RNASET2: variants seen among roughly 807,000 people sequenced by gnomAD.
The protein encoded by RNASET2 is ribonuclease 6.
In RNASET2, 28 loss-of-function variants were observed where a neutral mutation model predicts 33.9. The ratio of observed to expected loss-of-function variants is 0.83; its 90% confidence interval spans 0.61 to 1.13. The LOEUF is 1.13. Ranked by LOEUF, RNASET2 falls within the 50% of genes most tolerant of loss-of-function variation. The probability of loss-of-function intolerance (pLI) is 0.00; values close to 1 mark genes in which losing one functional copy is unlikely to be tolerated. For missense variants in RNASET2, 330 were observed against 319.9 expected (o/e 1.03, Z -0.24); for synonymous variants, 123 against 121.0 (o/e 1.02, Z -0.11).
intron 6 of RNASET2, among the ~76,000 whole-genome samples, chr6:166,936,260 C>T (rs112703486): frequency 5.3e-5 from 8 of 152,092 alleles, no homozygotes; most frequent in Non-Finnish European, 1.0e-4. Flanking sequence ...GAATGGAGGA[C>T]GCACCATTCC....
In RNASET2 at chr6:166,929,454, C is replaced by T. The variant is rs1778365575; in HGVS notation, c.*134G>A. 1.1e-6 allele frequency: 1 copy of T among 945,162 alleles called. No homozygotes were observed. The highest frequency in any genetic ancestry group is 1.7e-6 in the Non-Finnish European group (1 of 589,504). 58.5% of individuals were successfully genotyped at this position (945,162 alleles called of 1,614,324 possible). ...CCACATGCACTCACTCTACAGGGAC[C>T]ACAACATCCAATTCACAGGCATGGA... On this transcript the variant is annotated 3_prime_UTR_variant, in exon 9 of 9. Transcript: ENST00000508775.
At chr6:166,952,067 C>G (rs956775890) in intron 2 of RNASET2, among the ~76,000 whole-genome samples, 3 of 152,202 alleles carry the variant, frequency 2.0e-5, no homozygotes, top group Non-Finnish European at 4.4e-5. Flanking sequence ...CAGAGAGACA[C>G]AAAGTGGAGA....
chr6:166,937,603 G>A (rs1002785344), intron 6 of RNASET2, among the ~76,000 whole-genome samples: 9 of 152,162 alleles, frequency 5.9e-5, no homozygotes, highest in Admixed American at 2.6e-4. Flanking sequence ...AAAGTGTATA[G>A]GTCTGTGTAC....
At chr6:166,944,219 G>C (rs2128645926) in intron 4 of RNASET2, among the ~76,000 whole-genome samples, 1 of 152,000 alleles carries the variant, frequency 6.6e-6, no homozygotes, top group African/African-American at 2.4e-5. Context: ...GGCAGCCTGG[G>C]CACCAGTCGC....
Position 166,925,906 on chromosome 6 carries a change from G to A in RNASET2, c.*3682C>T, listed in dbSNP as rs1778297677. Among the ~76,000 whole-genome samples, 1 of 152,210 alleles carries A rather than the reference G, an allele frequency of 6.6e-6. No homozygotes were observed. The highest frequency in any genetic ancestry group is 1.5e-5 in the Non-Finnish European group (1 of 68,032). ...GAGTGGGTGGAGGCACTGCCAACAG[G>A]GCAGGAGGGATTGAGGGAATGTCCC... On this transcript the variant is annotated 3_prime_UTR_variant, in exon 9 of 9. Transcript: ENST00000508775.
chr6:166,946,912 G>C, intron 3 of RNASET2, 173 bp from the exon 4 acceptor site: 1 of 673,946 alleles, frequency 1.5e-6, no homozygotes, highest in Non-Finnish European at 2.7e-6. Context: ...GCAGGTAAGA[G>C]GAGTCAGAGT....
chr6:166,944,208 G>C (rs1583226659), intron 4 of RNASET2, among the ~76,000 whole-genome samples: 1 of 152,046 alleles, frequency 6.6e-6, no homozygotes, highest in Non-Finnish European at 1.5e-5. Flanking sequence ...TGTGTGAGCT[G>C]GGCAGCCTGG....
intron 3 of RNASET2, among the ~76,000 whole-genome samples, chr6:166,947,897 GAAT>G (rs1342350124): frequency 2.6e-5 from 4 of 152,104 alleles, no homozygotes; most frequent in Admixed American, 6.6e-5. Flanking sequence ...GACAAAACCA[GAAT>G]AATAAATTTG....
In RNASET2 at chr6:166,934,091, T is replaced by G; in HGVS notation, c.492A>C (p.Gln164His). 1 of 1,609,130 alleles carries G rather than the reference T, an allele frequency of 6.2e-7. No individual in the cohort carries two copies. Among genetic ancestry groups the G allele is most frequent in the East Asian group, 2.2e-5 (1 of 44,858 alleles). The stretch of plus-strand genomic sequence containing the variant: ...GAAAAGAAGCAAAAGCAAGACTTAC[T>G]TGGTAGTAATTGATGGATGGTTTTA... ...LGIKPSINYY[Q>H]VADFKDALAR... Residue 164 changes from glutamine (Q) to histidine (H), a missense_variant and splice_region_variant, in exon 7 of 9, where the codon CAA becomes CAC. Physicochemically the swap from Gln to His is conservative, Grantham distance 24. Transcript: ENST00000508775.
rs1562507187 is a variant in RNASET2 at position 166,955,295 on chromosome 6, GACGC to G, written c.86+798_86+801del. On this transcript the variant is annotated intron_variant, in intron 1 of 8. Coordinates refer to ENST00000508775, the MANE Select transcript of RNASET2 (RefSeq NM_003730.6). The stretch of plus-strand genomic sequence containing the variant: ...CGCGCACACACGACACACACGCACA[GACGC>G]GCACACACGACACACACGCACACAC... Among the ~76,000 whole-genome samples the G allele has an allele frequency of 8.7e-3, 455 of 52,404 alleles. 24 individuals carry two copies. The East Asian group carries it at 0.18, about 21-fold the overall frequency. The allele number at this position is 52,404 out of a possible 152,430, so 34.4% of individuals were successfully genotyped here. A position where few individuals can be genotyped will look rare whatever the true frequency, so the allele number is the denominator to read the frequency against.
At position 166,923,839 on chromosome 6, in the gene RNASET2, C is replaced by T. The variant is rs944624551; in HGVS notation, c.*5749G>A. 2.6e-5 allele frequency among the ~76,000 whole-genome samples: 4 copies of T among 152,168 alleles called. No individual in the cohort carries two copies. The highest frequency in any genetic ancestry group is 2.1e-4 in the South Asian group (1 of 4,824). ...GGTAATTTCATTTCAGGAGCTAGAGCTTGTGAGGAAAAGTAGTATTTTAAC... is the reference window on the plus strand; with the variant it reads ...GGTAATTTCATTTCAGGAGCTAGAGTTTGTGAGGAAAAGTAGTATTTTAAC... On this transcript the variant is annotated 3_prime_UTR_variant, in exon 9 of 9. Transcript: ENST00000508775.
At chr6:166,951,334 C>T (rs926822076) in intron 2 of RNASET2, among the ~76,000 whole-genome samples, 9 of 152,226 alleles carry the variant, frequency 5.9e-5, no homozygotes, top group Middle Eastern at 3.2e-3. Flanking sequence ...CACAGCATCA[C>T]GGGGAGATGG....
rs1778329394 is a variant in RNASET2, at chr6:166,927,729, A to AAAAAAAAAAAAAAAAAAAT, written c.*1858_*1859insATTTTTTTTTTTTTTTTTT. 6.6e-6 allele frequency among the ~76,000 whole-genome samples: 1 copy of AAAAAAAAAAAAAAAAAAAT among 151,592 alleles called. No homozygotes were observed. Among genetic ancestry groups the AAAAAAAAAAAAAAAAAAAT allele is most frequent in the African/African-American group, 2.4e-5 (1 of 41,274 alleles). On this transcript the variant is annotated 3_prime_UTR_variant, in exon 9 of 9. Coordinates refer to ENST00000508775, the MANE Select transcript of RNASET2 (RefSeq NM_003730.6). ...AAAATGACTCAAAAAAAAAAAAAAA[A>AAAAAAAAAAAAAAAAAAAT]AAAAAAAGAATTGACATCATTTAAA... is the stretch of plus-strand genomic sequence containing the variant.
intron 6 of RNASET2, among the ~76,000 whole-genome samples, chr6:166,935,589 CCT>C (rs1439156366): frequency 6.6e-6 from 1 of 152,190 alleles, no homozygotes; most frequent in Non-Finnish European, 1.5e-5. Flanking sequence ...CTATGGGAAC[CCT>C]GACAACTTTG....
intron 4 of RNASET2, chr6:166,944,970 C>T (rs531429831): frequency 6.3e-6 from 1 of 158,372 alleles, no homozygotes; most frequent in African/African-American, 2.6e-5. Context: ...CTCACCCACC[C>T]ACGTCCACAC....
intron 5 of RNASET2, among the ~76,000 whole-genome samples, chr6:166,940,127 C>T (rs1430376986): frequency 2.0e-5 from 3 of 152,200 alleles, no homozygotes; most frequent in African/African-American, 7.2e-5. Flanking sequence ...TTGACAGCCA[C>T]CTTCAGAATG....
Position 166,956,088 on chromosome 6 carries a change from G to T in RNASET2, c.86+9C>A. ...CACGCTCCCCACTTTACCTCGCAAG[G>T]TAACTCACCGCAGGCGCTTGTCCGC... On this transcript the variant is annotated intron_variant, in intron 1 of 8. Coordinates refer to ENST00000508775, the MANE Select transcript of RNASET2 (RefSeq NM_003730.6). The T allele has an allele frequency of 6.4e-7, 1 of 1,551,896 alleles. No homozygotes were observed. Among genetic ancestry groups the T allele is most frequent in the Non-Finnish European group, 8.7e-7 (1 of 1,146,978 alleles).
chr6:166,953,048 G>T (rs2128647642), intron 1 of RNASET2: 1 of 204,358 alleles, frequency 4.9e-6, no homozygotes, highest in Non-Finnish European at 1.0e-5. Flanking sequence ...TCAGTTTTTA[G>T]ACTTCACTTG....
Position 166,934,135 on chromosome 6 carries a change from C to T in RNASET2, c.448G>A (p.Val150Met), listed in dbSNP as rs771231451. The T allele has an allele frequency of 1.3e-6, 2 of 1,593,584 alleles. No homozygotes were observed. Among genetic ancestry groups the T allele is most frequent in the South Asian group, 1.1e-5 (1 of 90,654 alleles). The change falls in exon 7 of 9, where the codon GTG (valine) becomes ATG (methionine). Residue 150 changes from valine (V) to methionine (M), a missense_variant and splice_region_variant. Coordinates refer to ENST00000508775, the MANE Select transcript of RNASET2 (RefSeq NM_003730.6). ...ELYRELDLNS[V>M]LLKLGIKPSI... ...GGTTTTATCCCCAATTTTAGAAGCA[C>T]ACTAAAATTTAAATTTAAAAAAGTT...
Sources: allele counts gnomAD v4.1 joint callset (sites outside exome capture counted in the v4.1 genomes callset), GRCh38; gene constraint gnomAD v4.1.1; transcripts MANE v1.5; gene names NCBI Gene and HGNC (gene_info 2026-07-23, HGNC 2026-07-21).